The following CKAP5 variants were observed in gnomAD, a reference collection of about 807,000 sequenced individuals.
CKAP5 encodes cytoskeleton associated protein 5.
CKAP5 carries 27 observed loss-of-function variants against 232.8 expected under a neutral mutation model. The ratio of observed to expected loss-of-function variants is 0.12; its 90% CI spans 0.09 to 0.16. The LOEUF (loss-of-function observed/expected upper bound fraction) is 0.16, where lower values mean the gene tolerates loss of function less well. Among genes scored for constraint, CKAP5 ranks in the 10% least tolerant of loss-of-function variants. CKAP5 has a pLI of 1.00. For missense variants in CKAP5, 1,838 were observed against 2,424.7 expected (o/e 0.76, Z 5.08); for synonymous variants, 785 against 841.1 (o/e 0.93, Z 1.16).
intron 33 of CKAP5, among the ~76,000 whole-genome samples, chr11:46,760,022 C>T (rs1253494502): frequency 6.6e-6 from 1 of 152,224 alleles, no homozygotes; most frequent in Non-Finnish European, 1.5e-5. Context: ...AAATTATACT[C>T]ATGACACAAC....
At chr11:46,829,829 C>CTT (rs777216381) in intron 1 of CKAP5, among the ~76,000 whole-genome samples, 56 of 128,142 alleles carry the variant, frequency 4.4e-4, no homozygotes, top group Non-Finnish European at 4.2e-4. Context: ...AGTCTAATTC[C>CTT]TTTTTTGTAT....
chr11:46,823,260 C>T (rs1939584659), intron 1 of CKAP5, among the ~76,000 whole-genome samples: 3 of 152,216 alleles, frequency 2.0e-5, no homozygotes, highest in South Asian at 4.2e-4. Flanking sequence ...TCTATCTAGA[C>T]AACACCTTTT....
chr11:46,831,274 C>G (rs1424272424), intron 1 of CKAP5, among the ~76,000 whole-genome samples: 1 of 151,574 alleles, frequency 6.6e-6, no homozygotes, highest in Non-Finnish European at 1.5e-5. Flanking sequence ...TATTTAACTC[C>G]CGCTTAGATG....
At chr11:46,822,984 G>A (rs2134694190) in intron 1 of CKAP5, among the ~76,000 whole-genome samples, 1 of 151,772 alleles carries the variant, frequency 6.6e-6, no homozygotes, top group East Asian at 1.9e-4. Flanking sequence ...TTTTGAGACA[G>A]CGTCTTGCTC....
rs1335486508 is a variant in CKAP5, at chr11:46,795,727, C to A, written c.1517G>T (p.Gly506Val). The A allele has an allele frequency of 2.5e-6, 4 of 1,614,038 alleles. No homozygotes were observed. Among genetic ancestry groups the A allele is most frequent in the African/African-American group, 1.3e-5 (1 of 75,036 alleles). Residue 506 changes from glycine to valine, a missense_variant, in exon 13 of 44, where the codon GGA becomes GTA. This residue lies in a region of CKAP5 where 767 missense variants were observed against 954.6 expected (regional missense o/e 0.80). Coordinates refer to ENST00000529230, the MANE Select transcript of CKAP5 (RefSeq NM_001008938.4). ...KVELIHGKKA[G>V]LAADKKEFKP... ...GAATTCCTTCTTATCAGCAGCTAGT[C>A]CAGCTTTCTTACCATGTATCAGTTC... is the stretch of plus-strand genomic sequence containing the variant.
chr11:46,839,619 C>T (rs1016768657), intron 1 of CKAP5, among the ~76,000 whole-genome samples: 1 of 152,056 alleles, frequency 6.6e-6, no homozygotes, highest in African/African-American at 2.4e-5. Context: ...GATAGAAGTA[C>T]TTTTTTAAAA....
chr11:46,830,292 T>A (rs2134706538), intron 1 of CKAP5, among the ~76,000 whole-genome samples: 1 of 151,348 alleles, frequency 6.6e-6, no homozygotes, highest in East Asian at 1.9e-4. Flanking sequence ...ATACAAAAAA[T>A]TAGCCGGGCG....
intron 3 of CKAP5, 68 bp from the exon 4 acceptor site, chr11:46,816,472 G>T: frequency 1.7e-6 from 2 of 1,178,368 alleles, no homozygotes; most frequent in Non-Finnish European, 1.3e-6. Flanking sequence ...TCACGGAAAG[G>T]GGGTGTACTA....
intron 35 of CKAP5, among the ~76,000 whole-genome samples, chr11:46,756,754 ATTT>A (rs59822318): frequency 1.6e-5 from 2 of 128,056 alleles, no homozygotes; most frequent in Admixed American, 7.5e-5. Flanking sequence ...TGGACCTTGA[ATTT>A]TTTTTTTTTT....
intron 24 of CKAP5, among the ~76,000 whole-genome samples, chr11:46,772,703 A>G (rs1266441746): frequency 1.3e-5 from 2 of 151,988 alleles, no homozygotes; most frequent in South Asian, 2.1e-4. Flanking sequence ...TACATTAGCA[A>G]TATAGTAAGC....
At chr11:46,801,048 T>C (rs1265772938) in intron 9 of CKAP5, 152 bp downstream of exon 9, 1 of 510,116 alleles carries the variant, frequency 2.0e-6, no homozygotes, top group Non-Finnish European at 3.6e-6. Flanking sequence ...CTAAGATATA[T>C]CTATGCTGAA....
intron 1 of CKAP5, 41 bp from the exon 2 acceptor site, chr11:46,821,309 G>A (rs1939519290): frequency 1.1e-6 from 1 of 920,966 alleles, no homozygotes; most frequent in Non-Finnish European, 1.7e-6. Context: ...CAACCAGGCA[G>A]TCTCTTAAGA....
In CKAP5 at chr11:46,760,608, A is replaced by G. The variant is rs1172336415; in HGVS notation, c.4394+4T>C. On this transcript the variant is annotated splice_donor_region_variant and intron_variant, in intron 33 of 43. Transcript: ENST00000529230. ...CTCTCAGACAAGTATCTCTATCTAC[A>G]TACTTGAGTTTGGAAGACATGTCCT... 6.2e-7 allele frequency: 1 copy of G among 1,613,942 alleles called. No individual in the cohort carries two copies. The highest frequency in any genetic ancestry group is 8.5e-7 in the Non-Finnish European group (1 of 1,179,936).
chr11:46,834,219 A>G (rs547299547), intron 1 of CKAP5, among the ~76,000 whole-genome samples: 1 of 152,214 alleles, frequency 6.6e-6, no homozygotes, highest in East Asian at 1.9e-4. Context: ...GTCCTTTGAT[A>G]TAAGAGTGGG....
At chr11:46,749,605 A>G (rs929053475) in intron 42 of CKAP5, among the ~76,000 whole-genome samples, 3 of 152,084 alleles carry the variant, frequency 2.0e-5, no homozygotes, top group Non-Finnish European at 1.5e-5. Flanking sequence ...TTAAGGAAAT[A>G]AGAGAAAGAG....
intron 20 of CKAP5, among the ~76,000 whole-genome samples, chr11:46,778,857 C>G (rs2065314124): frequency 6.6e-6 from 1 of 152,146 alleles, no homozygotes; most frequent in Non-Finnish European, 1.5e-5. Context: ...GGTGGATCAT[C>G]TGAGGTCAGG....
At chr11:46,809,565 G>A in intron 6 of CKAP5, 65 bp from the exon 7 acceptor site, 1 of 1,392,084 alleles carries the variant, frequency 7.2e-7, no homozygotes, top group Non-Finnish European at 1.0e-6. Flanking sequence ...TCAGTTATCA[G>A]TCCTTTCACA....
intron 18 of CKAP5, among the ~76,000 whole-genome samples, chr11:46,781,548 T>G (rs981145263): frequency 6.6e-6 from 1 of 152,194 alleles, no homozygotes; most frequent in African/African-American, 2.4e-5. Flanking sequence ...CTCATTGTCC[T>G]ACAGCTACAT....
At chr11:46,768,915 ATTTATT>A (rs2065225714) in intron 26 of CKAP5, among the ~76,000 whole-genome samples, 1 of 151,118 alleles carries the variant, frequency 6.6e-6, no homozygotes, top group African/African-American at 2.4e-5. Context: ...ATCAAATTTT[ATTTATT>A]TTTATTTATT....
Sources: allele counts gnomAD v4.1 joint callset (sites outside exome capture counted in the v4.1 genomes callset), GRCh38; gene constraint gnomAD v4.1.1; regional missense constraint gnomAD v4.1.1; transcripts MANE v1.5; gene names NCBI Gene and HGNC (gene_info 2026-07-23, HGNC 2026-07-21).